Variants in EVC2 observed in about 807,000 individuals in gnomAD.
EVC2 encodes the protein EvC ciliary complex subunit 2.
EVC2 carries 148 observed loss-of-function variants against 149.3 expected under a neutral mutation model. The observed-to-expected ratio is 0.99, with a 90% confidence interval of 0.87 to 1.14. The LOEUF (loss-of-function observed/expected upper bound fraction) is 1.14, where lower values mean the gene tolerates loss of function less well. EVC2 is among the 50% of genes most tolerant of loss of function. The pLI, the probability that EVC2 is intolerant of heterozygous loss-of-function variation, is 0.00. For missense variants in EVC2, 1,854 were observed against 1,627.3 expected (o/e 1.14, Z -2.40); for synonymous variants, 776 against 649.9 (o/e 1.19, Z -2.95).
rs17688121 is a variant in EVC2 at position 5,691,250 on chromosome 4, C to T, written c.519+15G>A. The T allele has an allele frequency of 0.14, 231,065 of 1,604,412 alleles. 18,252 individuals are homozygous for T. The highest frequency in any genetic ancestry group is 0.17 in the Middle Eastern group (997 of 6,022). On this transcript the variant is annotated intron_variant, in intron 4 of 21. Transcript: ENST00000344408. ...TTATTTTCTCTTCAAATATACACCACCAGTGGAAACTTACCAGTGCACATT... is the reference window on the plus strand; with the variant it reads ...TTATTTTCTCTTCAAATATACACCATCAGTGGAAACTTACCAGTGCACATT...
chr4:5,651,979 C>G (rs1245265034), intron 9 of EVC2, among the ~76,000 whole-genome samples: 1 of 152,242 alleles, frequency 6.6e-6, no homozygotes, highest in Admixed American at 6.5e-5. Flanking sequence ...CCAGGCTAAA[C>G]AGCCTTAGGC....
At chr4:5,532,565 C>T in the EVC2 span, among the ~76,000 whole-genome samples, 6 of 152,138 alleles carry the variant, frequency 3.9e-5, no homozygotes. Flanking sequence ...CCTCTGTTTT[C>T]ACCAGCTCTT....
rs1044975193 is a variant in EVC2, at chr4:5,637,509, G to C, written c.1470+3005C>G. ...AGACACACCATGCATGCTAAGGAAGGATGAGCTGTTATTGTTACACATCGT... is the reference window on the plus strand; with the variant it reads ...AGACACACCATGCATGCTAAGGAAGCATGAGCTGTTATTGTTACACATCGT... On this transcript the variant is annotated intron_variant, in intron 10 of 21. Coordinates refer to ENST00000344408, the MANE Select transcript of EVC2 (RefSeq NM_147127.5). This position sits in a 1 kb window ranked among gnomAD's most constrained non-coding sequence, Gnocchi z 4.4. Among the ~76,000 whole-genome samples the C allele has an allele frequency of 5.3e-5, 8 of 152,178 alleles. No homozygotes were observed.
intron 21 of EVC2, chr4:5,543,279 C>T: frequency 1.8e-6 from 2 of 1,096,882 alleles, no homozygotes; most frequent in African/African-American, 1.6e-5. Flanking sequence ...GTACCATCAC[C>T]ATCCACCCCA....
chr4:5,588,792 A>G (rs999773529), intron 16 of EVC2, among the ~76,000 whole-genome samples: 1 of 152,194 alleles, frequency 6.6e-6, no homozygotes, highest in African/African-American at 2.4e-5. Context: ...CCTTTTTTGA[A>G]CATATTAAAC....
intron 12 of EVC2, among the ~76,000 whole-genome samples, chr4:5,627,427 T>C (rs1716192884): frequency 6.6e-6 from 1 of 152,176 alleles, no homozygotes; most frequent in South Asian, 2.1e-4. Context: ...AGTGATAAAT[T>C]CATTAGCATA....
rs116235830 is a variant in EVC2 at position 5,664,510 on chromosome 4, A to G, written c.1005+1005T>C. Among the ~76,000 whole-genome samples the G allele has an allele frequency of 5.2e-3, 794 of 152,250 alleles. 8 individuals are homozygous for G. The highest frequency in any genetic ancestry group is 0.018 in the African/African-American group (752 of 41,544). The stretch of plus-strand genomic sequence containing the variant: ...AGGGTGCGTTTAGTTCTTCTGATTG[A>G]TAACAGCTTTGGGAGAATCAGTACA... On this transcript the variant is annotated intron_variant, in intron 8 of 21. Transcript: ENST00000344408.
rs1722340548 is a variant in EVC2, at chr4:5,708,225, C to T, written c.228+61G>A. 3.7e-6 allele frequency: 5 copies of T among 1,367,774 alleles called. No individual in the cohort carries two copies. In the Admixed American group the frequency reaches 9.3e-5, roughly 25 times the overall value. 84.7% of individuals were successfully genotyped at this position (1,367,774 alleles called of 1,614,324 possible). On this transcript the variant is annotated intron_variant, in intron 1 of 21. Transcript: ENST00000344408. ...TACTAAGGGTCCTCCCTGCCACCGC[C>T]GGTGTAGACAAAGTCAAACCACTAC...
At chr4:5,631,698 C>T (rs1716546765) in intron 11 of EVC2, 95 bp downstream of exon 11, 1 of 1,540,144 alleles carries the variant, frequency 6.5e-7, no homozygotes, top group Non-Finnish European at 8.8e-7. Context: ...GTGCACAGTA[C>T]AAAGGAGAGG....
At chr4:5,643,495 A>T (rs1203084827) in intron 9 of EVC2, among the ~76,000 whole-genome samples, 1 of 152,156 alleles carries the variant, frequency 6.6e-6, no homozygotes, top group East Asian at 1.9e-4. Context: ...TGTCATGTCA[A>T]ACTTATATTA....
At chr4:5,554,445 CTTTG>C (rs949663247) in intron 21 of EVC2, among the ~76,000 whole-genome samples, 2 of 152,178 alleles carry the variant, frequency 1.3e-5, no homozygotes, top group Admixed American at 1.3e-4. Context: ...GTCCCTCACA[CTTTG>C]TTTGGTTTTA....
intron 16 of EVC2, among the ~76,000 whole-genome samples, chr4:5,593,864 C>G (rs1713091194): frequency 6.6e-6 from 1 of 152,212 alleles, no homozygotes; most frequent in Non-Finnish European, 1.5e-5. Context: ...GTCACTCCCA[C>G]CCTAACACTG....
intron 9 of EVC2, among the ~76,000 whole-genome samples, chr4:5,660,114 A>T (rs556308004): frequency 6.6e-6 from 1 of 152,196 alleles, no homozygotes; most frequent in African/African-American, 2.4e-5. Context: ...TTAATTTGTA[A>T]TCCTTGCCAT....
At chr4:5,681,997 G>C (rs947847021) in intron 6 of EVC2, among the ~76,000 whole-genome samples, 3 of 152,132 alleles carry the variant, frequency 2.0e-5, no homozygotes, top group African/African-American at 4.8e-5. Flanking sequence ...TTGGACCTTG[G>C]GCAAGGTATT....
In EVC2 at chr4:5,618,419, G is replaced by A; in HGVS notation, c.2706+59C>T. 1 of 1,601,048 alleles carries A rather than the reference G, an allele frequency of 6.2e-7. No homozygotes were observed. Among genetic ancestry groups the A allele is most frequent in the Non-Finnish European group, 8.5e-7 (1 of 1,170,912 alleles). The stretch of plus-strand genomic sequence containing the variant: ...CTGGGGAAGAGGCCAGACCCTGTAG[G>A]GCCAGCAGCTGGGAGACGGCCCTGC... On this transcript the variant is annotated intron_variant, in intron 15 of 21. Coordinates refer to ENST00000344408, the MANE Select transcript of EVC2 (RefSeq NM_147127.5). This position sits in a 1 kb window ranked among gnomAD's most constrained non-coding sequence, Gnocchi z 4.4.
At chr4:5,632,882 TC>T (rs1473344162) in intron 10 of EVC2, among the ~76,000 whole-genome samples, 3 of 152,066 alleles carry the variant, frequency 2.0e-5, no homozygotes, top group Non-Finnish European at 2.9e-5. Flanking sequence ...TGGCCCCTGA[TC>T]CCCAGGCCCC....
chr4:5,688,578 A>AT (rs1457258362), intron 5 of EVC2, among the ~76,000 whole-genome samples: 2 of 152,216 alleles, frequency 1.3e-5, no homozygotes, highest in African/African-American at 4.8e-5. Flanking sequence ...TAATTGACCA[A>AT]TAACAGCCCA....
chr4:5,586,464 C>T lies in EVC2; in HGVS notation c.2830-1614G>A, dbSNP rs6843356. Among the ~76,000 whole-genome samples, 495 of 152,254 alleles carry T rather than the reference C, an allele frequency of 3.3e-3. 2 individuals are homozygous for T. The highest frequency in any genetic ancestry group is 0.011 in the African/African-American group (473 of 41,552). On this transcript the variant is annotated intron_variant, in intron 16 of 21. Coordinates refer to ENST00000344408, the MANE Select transcript of EVC2 (RefSeq NM_147127.5). ...CTCAGCAAGGGGATTCCAAAGTCAACCTGAAAAACCAGTTCAGGCCATGAA... is the reference window on the plus strand; with the variant it reads ...CTCAGCAAGGGGATTCCAAAGTCAATCTGAAAAACCAGTTCAGGCCATGAA...
rs774925716 is a variant in EVC2, at chr4:5,562,582, TG to T, written c.*265del. Reference sequence around the variant, plus strand: ...AGAGGATGGGGTGTGGATTGCAGGGTGGGGGTCTCCTCCAGGGCCCTGGGGA... The same window carrying T: ...AGAGGATGGGGTGTGGATTGCAGGGTGGGGTCTCCTCCAGGGCCCTGGGGA... On this transcript the variant is annotated 3_prime_UTR_variant, in exon 22 of 22. Coordinates refer to ENST00000344408, the MANE Select transcript of EVC2 (RefSeq NM_147127.5). This position sits in a 1 kb window ranked among gnomAD's most constrained non-coding sequence, Gnocchi z 4.3. 2.2e-6 allele frequency: 3 copies of T among 1,336,026 alleles called. No individual in the cohort carries two copies. The East Asian group carries it at 9.6e-5, about 43-fold the overall frequency. The allele number at this position is 1,336,026 out of a possible 1,614,324, so 82.8% of individuals were successfully genotyped here.
Sources: allele counts gnomAD v4.1 joint callset (sites outside exome capture counted in the v4.1 genomes callset), GRCh38; gene constraint gnomAD v4.1.1; non-coding constraint Gnocchi (gnomAD v3.1); transcripts MANE v1.5; gene names NCBI Gene and HGNC (gene_info 2026-07-23, HGNC 2026-07-21).